SLCO4C1: variants seen among roughly 807,000 people sequenced by gnomAD.
SLCO4C1 encodes the protein organic anion transporter M1.
Under a neutral mutation model 72.1 loss-of-function variants are expected in SLCO4C1, and 58 were observed. That is an observed-to-expected ratio of 0.80 (90% CI 0.65 to 1.00). SLCO4C1 has a LOEUF of 1.00. SLCO4C1 is among the 50% of genes least tolerant of loss of function. SLCO4C1 has a pLI of 0.00. For missense variants in SLCO4C1, 898 were observed against 857.9 expected (o/e 1.05, Z -0.58); for synonymous variants, 297 against 312.5 (o/e 0.95, Z 0.52).
intron 1 of SLCO4C1, among the ~76,000 whole-genome samples, chr5:102,294,103 T>C (rs183995885): frequency 1.3e-3 from 205 of 152,300 alleles, no homozygotes; most frequent in African/African-American, 4.7e-3. Flanking sequence ...GAGACGGGGT[T>C]TCACCGTGTT....
intron 8 of SLCO4C1, among the ~76,000 whole-genome samples, chr5:102,251,825 G>A (rs1450169966): frequency 6.6e-6 from 1 of 152,086 alleles, no homozygotes; most frequent in Non-Finnish European, 1.5e-5. Context: ...AATGAGAAGG[G>A]TACTGAAGTC....
In SLCO4C1 at chr5:102,254,685, AT is replaced by A. The variant is rs374573851; in HGVS notation, c.1469+2429del. On this transcript the variant is annotated intron_variant, in intron 8 of 12. Transcript: ENST00000310954. ...GCTGAAGGCTCAGATGATTGTCAGC[AT>A]GTTTCAGCAATAAATAATTTTTAAA... Among the ~76,000 whole-genome samples, 750 of 152,338 alleles carry A rather than the reference AT, an allele frequency of 4.9e-3. 8 individuals are homozygous for A. The highest frequency in any genetic ancestry group is 0.017 in the African/African-American group (721 of 41,576).
At chr5:102,259,181 A>T (rs1278137371) in intron 6 of SLCO4C1, among the ~76,000 whole-genome samples, 3 of 152,164 alleles carry the variant, frequency 2.0e-5, no homozygotes, top group African/African-American at 7.2e-5. Flanking sequence ...TTATTCAGAC[A>T]TTCAAGGATA....
At chr5:102,294,673 A>T (rs1749615760) in intron 1 of SLCO4C1, among the ~76,000 whole-genome samples, 1 of 152,196 alleles carries the variant, frequency 6.6e-6, no homozygotes, top group Non-Finnish European at 1.5e-5. Context: ...TTTGGTAGGG[A>T]CAAGAAAAGT....
Position 102,245,333 on chromosome 5 carries a change from A to T in SLCO4C1, c.1811+1919T>A, listed in dbSNP as rs544284690. Among the ~76,000 whole-genome samples the T allele has an allele frequency of 1.1e-3, 163 of 152,290 alleles. 1 individual carries two copies. The highest frequency in any genetic ancestry group is 3.7e-3 in the African/African-American group (152 of 41,568). On this transcript the variant is annotated intron_variant, in intron 10 of 12. Transcript: ENST00000310954. Reference sequence around the variant, plus strand: ...CACCTATAAAGACACACATAGACTGAAAATAAAGAAATGGAAAAACACATT... The same window carrying T: ...CACCTATAAAGACACACATAGACTGTAAATAAAGAAATGGAAAAACACATT...
intron 10 of SLCO4C1, 107 bp from the exon 11 acceptor site, chr5:102,240,889 G>A (rs1440862834): frequency 2.9e-6 from 2 of 694,646 alleles, no homozygotes; most frequent in African/African-American, 1.8e-5. Flanking sequence ...TAAAGTAAAT[G>A]TTGTAAACGC....
Position 102,296,051 on chromosome 5 carries a change from G to A in SLCO4C1, c.212C>T (p.Ser71Phe). 6.2e-7 allele frequency: 1 copy of A among 1,614,212 alleles called. No homozygotes were observed. The highest frequency in any genetic ancestry group is 8.5e-7 in the Non-Finnish European group (1 of 1,180,050). ...PSLPSAPPNV[S>F]EEKLRSLSLS... ...CGACAGTGACCGGAGCTTCTCTTCG[G>A]AGACATTGGGAGGGGCTGAAGGCAG... The change falls in exon 1 of 13, where the codon TCC becomes TTC. Residue 71 changes from serine (S) to phenylalanine (F), a missense_variant. Transcript: ENST00000310954.
intron 2 of SLCO4C1, among the ~76,000 whole-genome samples, chr5:102,279,019 A>G (rs1580262982): frequency 6.6e-6 from 1 of 151,878 alleles, no homozygotes; most frequent in South Asian, 2.1e-4. Context: ...AAAATAGAAA[A>G]CTATAGAGAA....
chr5:102,264,612 CTTGT>C (rs1749000976), intron 3 of SLCO4C1, among the ~76,000 whole-genome samples: 1 of 150,810 alleles, frequency 6.6e-6, no homozygotes, highest in South Asian at 2.1e-4. Flanking sequence ...ACATTTATGA[CTTGT>C]TTATGTTGGG....
rs376160028 is a variant in SLCO4C1, at chr5:102,242,649, CA to C, written c.1812-1868del. 3.3e-3 allele frequency among the ~76,000 whole-genome samples: 505 copies of C among 152,244 alleles called. 6 individuals carry two copies. Among genetic ancestry groups the C allele is most frequent in the African/African-American group, 0.012 (492 of 41,546 alleles). ...GAAATACACCAGTCCTGACAGCGTT[CA>C]TATACTTTTAAGTCATGAAGAGCCC... is the stretch of plus-strand genomic sequence containing the variant. On this transcript the variant is annotated intron_variant, in intron 10 of 12. Coordinates refer to ENST00000310954, the MANE Select transcript of SLCO4C1 (RefSeq NM_180991.5).
Position 102,260,301 on chromosome 5 carries a change from G to A in SLCO4C1, c.1040C>T (p.Ala347Val). Residue 347 changes from alanine to valine, a missense_variant, in exon 6 of 13, where the codon GCT becomes GTT. Ala to Val is a moderately conservative substitution (Grantham distance 64). Transcript: ENST00000310954. ...KHLPGTAEIQ[A>V]GKTSQAHQSN... ...CTGATGAGCCTGGGAAGTTTTTCCA[G>A]CTTGAATTTCTGCTGTACCTAAAAA... The A allele has an allele frequency of 7.5e-7, 1 of 1,333,548 alleles. No homozygotes were observed. The highest frequency in any genetic ancestry group is 9.7e-7 in the Non-Finnish European group (1 of 1,031,572). The allele number at this position is 1,333,548 out of a possible 1,614,324, so 82.6% of individuals were successfully genotyped here.
chr5:102,257,996 T>A lies in SLCO4C1; in HGVS notation c.1220A>T (p.Lys407Ile). 6.2e-7 allele frequency: 1 copy of A among 1,609,558 alleles called. No homozygotes were observed. The highest frequency in any genetic ancestry group is 1.1e-5 in the South Asian group (1 of 89,584). ...ITTGFATFLP[K>I]FIENQFGLTS... ...CAATCCGAATTGATTTTCTATAAATTTAGGTAAAAATGTAGCAAATCCAGT... is the reference window on the plus strand; with the variant it reads ...CAATCCGAATTGATTTTCTATAAATATAGGTAAAAATGTAGCAAATCCAGT... The change falls in exon 7 of 13, where the codon AAA becomes ATA. Residue 407 changes from lysine (K) to isoleucine (I), a missense_variant. By Grantham distance (102) the Lys-to-Ile change is moderately radical. Coordinates refer to ENST00000310954, the MANE Select transcript of SLCO4C1 (RefSeq NM_180991.5).
chr5:102,289,649 A>G (rs841931), intron 2 of SLCO4C1, among the ~76,000 whole-genome samples: 74,507 of 152,108 alleles, frequency 0.49, 19,497 homozygotes, highest in African/African-American at 0.67. Flanking sequence ...CTACGCTGCA[A>G]TATGTGGCTT....
At chr5:102,283,568 C>T (rs1462684508) in intron 2 of SLCO4C1, among the ~76,000 whole-genome samples, 1 of 147,190 alleles carries the variant, frequency 6.8e-6, no homozygotes, top group African/African-American at 2.5e-5. Context: ...CACAAACCAC[C>T]AACCTTTCTA....
intron 2 of SLCO4C1, among the ~76,000 whole-genome samples, chr5:102,274,655 G>T (rs1319829763): frequency 6.6e-6 from 1 of 152,154 alleles, no homozygotes; most frequent in Non-Finnish European, 1.5e-5. Flanking sequence ...TATGCATCCT[G>T]GAGAGGGGAG....
In SLCO4C1 at chr5:102,236,574, ATGTGTGCGTGTGTGTGTGTG is replaced by A; in HGVS notation, c.*264_*283del. The A allele has an allele frequency of 4.6e-6, 1 of 217,032 alleles. No homozygotes were observed. Among genetic ancestry groups the A allele is most frequent in the Non-Finnish European group, 8.2e-6 (1 of 122,058 alleles). 13.4% of individuals were successfully genotyped at this position (217,032 alleles called of 1,614,324 possible). The stretch of plus-strand genomic sequence containing the variant: ...CAATGGGAATAGGAAATAAGTGTGT[ATGTGTGCGTGTGTGTGTGTG>A]TGTGTGTGTTCGTGTGTGTGTGTGT... On this transcript the variant is annotated 3_prime_UTR_variant, in exon 13 of 13. Transcript: ENST00000310954.
At chr5:102,272,067 G>A (rs999061532) in intron 2 of SLCO4C1, among the ~76,000 whole-genome samples, 1 of 152,076 alleles carries the variant, frequency 6.6e-6, no homozygotes, top group Admixed American at 6.6e-5. Context: ...ATCCAGGCAG[G>A]CCCCAAGTAG....
At chr5:102,244,831 T>C (rs1438666398) in intron 10 of SLCO4C1, among the ~76,000 whole-genome samples, 1 of 152,102 alleles carries the variant, frequency 6.6e-6, no homozygotes, top group Admixed American at 6.6e-5. Context: ...GTAAAGACTT[T>C]CCCAAACAAA....
intron 2 of SLCO4C1, among the ~76,000 whole-genome samples, chr5:102,285,298 T>G (rs1749432706): frequency 6.6e-6 from 1 of 152,092 alleles, no homozygotes; most frequent in African/African-American, 2.4e-5. Flanking sequence ...TGTTTGTTTG[T>G]TTTTGAGACG....
Sources: gnomAD v4.1 joint callset for allele counts (sites outside exome capture counted in the v4.1 genomes callset) on GRCh38, gnomAD v4.1.1 for gene constraint, MANE v1.5 for transcripts, NCBI Gene and HGNC (gene_info 2026-07-23, HGNC 2026-07-21) for gene names.